The following LAMA2 variants were observed in gnomAD, a reference collection of about 807,000 sequenced individuals.
The protein encoded by LAMA2 is laminin subunit alpha 2.
LAMA2 carries 269 observed loss-of-function variants against 364.8 expected under a neutral mutation model. That is an observed-to-expected ratio of 0.74 (90% CI 0.67 to 0.82). LAMA2 has a LOEUF of 0.82. Among genes scored for constraint, LAMA2 ranks in the 40% least tolerant of loss-of-function variants. The pLI is 0.00. For missense variants in LAMA2, 3,807 were observed against 3,873.2 expected (o/e 0.98, Z 0.45); for synonymous variants, 1,379 against 1,370.6 (o/e 1.01, Z -0.14).
At chr6:129,380,286 G>A (rs1292043908) in intron 34 of LAMA2, among the ~76,000 whole-genome samples, 1 of 152,126 alleles carries the variant, frequency 6.6e-6, no homozygotes, top group Non-Finnish European at 1.5e-5. Flanking sequence ...TGTTCCAAAA[G>A]GAAGTAGGCA....
At chr6:129,328,242 A>G in intron 28 of LAMA2, 36 bp from the exon 29 acceptor site, 2 of 1,581,810 alleles carry the variant, frequency 1.3e-6, no homozygotes, top group Non-Finnish European at 8.7e-7. Flanking sequence ...CAGTATTTCT[A>G]ACTTTGCTGT....
intron 1 of LAMA2, among the ~76,000 whole-genome samples, chr6:128,925,676 T>C (rs1043836812): frequency 5.3e-5 from 8 of 152,234 alleles, no homozygotes; most frequent in African/African-American, 1.4e-4. Flanking sequence ...ATGTGTATTT[T>C]ACAATACTTT....
intron 40 of LAMA2, among the ~76,000 whole-genome samples, chr6:129,417,728 G>A (rs1780872229): frequency 6.6e-6 from 1 of 152,100 alleles, no homozygotes; most frequent in Non-Finnish European, 1.5e-5. Flanking sequence ...CTCCCCCTTG[G>A]CCTCCCTAAT....
intron 48 of LAMA2, among the ~76,000 whole-genome samples, chr6:129,457,964 C>G (rs557056163): frequency 7.9e-5 from 12 of 152,220 alleles, no homozygotes; most frequent in African/African-American, 2.9e-4. Context: ...ACTCACCTCT[C>G]AAATGCCCTG....
chr6:129,131,962 TCC>T (rs1777503500), intron 4 of LAMA2, among the ~76,000 whole-genome samples: 1 of 152,156 alleles, frequency 6.6e-6, no homozygotes, highest in Non-Finnish European at 1.5e-5. Flanking sequence ...GTTTTTCATT[TCC>T]CGCTTCTCAC....
intron 1 of LAMA2, among the ~76,000 whole-genome samples, chr6:128,904,270 T>C (rs1053162670): frequency 6.6e-6 from 1 of 152,086 alleles, no homozygotes. Flanking sequence ...TTTGAGGGTG[T>C]CCTGTTCATT....
chr6:129,297,950 A>C lies in LAMA2; in HGVS notation c.3037+85A>C, dbSNP rs1468619696. 14 of 1,131,228 alleles carry C rather than the reference A, an allele frequency of 1.2e-5. No individual in the cohort carries two copies. The Admixed American group carries it at 2.7e-4, about 22-fold the overall frequency. The allele number at this position is 1,131,228 out of a possible 1,614,324, so 70.1% of individuals were successfully genotyped here. ...TGTAACAGTTTGTTCTTTTAAAGGA[A>C]GCACAGATTGATACAACGTATTTAA... On this transcript the variant is annotated intron_variant, in intron 21 of 64. Coordinates refer to ENST00000421865, the MANE Select transcript of LAMA2 (RefSeq NM_000426.4).
chr6:129,481,562 A>G, intron 55 of LAMA2, 123 bp downstream of exon 55: 1 of 834,558 alleles, frequency 1.2e-6, no homozygotes. Context: ...CAAGGACTGA[A>G]CATTCCATAT....
chr6:129,212,488 G>A (rs1490002577), intron 12 of LAMA2, among the ~76,000 whole-genome samples: 2 of 152,040 alleles, frequency 1.3e-5, no homozygotes, highest in Non-Finnish European at 2.9e-5. Flanking sequence ...AATGGAATGT[G>A]GAAACTGAGA....
chr6:129,491,443 G>C (rs1784856414), intron 56 of LAMA2, among the ~76,000 whole-genome samples: 2 of 152,190 alleles, frequency 1.3e-5, no homozygotes, highest in African/African-American at 4.8e-5. Context: ...TATAAAAGGT[G>C]CTTTAAGTGT....
intron 1 of LAMA2, among the ~76,000 whole-genome samples, chr6:128,972,798 T>C (rs1782267981): frequency 6.6e-6 from 1 of 152,160 alleles, no homozygotes; most frequent in Admixed American, 6.5e-5. Flanking sequence ...CATTACAAAG[T>C]AAAATATATT....
At chr6:129,178,296 A>G (rs1311764037) in intron 10 of LAMA2, among the ~76,000 whole-genome samples, 1 of 152,152 alleles carries the variant, frequency 6.6e-6, no homozygotes, top group Non-Finnish European at 1.5e-5. Context: ...GCCTTAAAAT[A>G]CTCATTATAT....
At chr6:128,922,543 G>T (rs76259698) in intron 1 of LAMA2, among the ~76,000 whole-genome samples, 18,976 of 148,130 alleles carry the variant, frequency 0.13, 1,686 homozygotes, top group African/African-American at 0.25. Flanking sequence ...TCGCCCACTT[G>T]TTGATGGGGT....
intron 4 of LAMA2, among the ~76,000 whole-genome samples, chr6:129,126,013 A>G (rs982097560): frequency 2.6e-5 from 4 of 152,194 alleles, no homozygotes; most frequent in Non-Finnish European, 5.9e-5. Context: ...CCTACACCAT[A>G]AATTATATTT....
intron 4 of LAMA2, among the ~76,000 whole-genome samples, chr6:129,116,979 A>C (rs558983956): frequency 6.6e-6 from 1 of 152,312 alleles, no homozygotes; most frequent in East Asian, 1.9e-4. Context: ...ATGACAACAA[A>C]AAATTAAAAT....
chr6:129,146,185 A>G (rs1778421290), intron 5 of LAMA2, among the ~76,000 whole-genome samples: 1 of 151,930 alleles, frequency 6.6e-6, no homozygotes, highest in Admixed American at 6.6e-5. Flanking sequence ...GTATAATTGG[A>G]ATAATAGAAC....
At chr6:129,357,141 C>A (rs1346375125) in intron 32 of LAMA2, among the ~76,000 whole-genome samples, 2 of 152,000 alleles carry the variant, frequency 1.3e-5, no homozygotes, top group Non-Finnish European at 2.9e-5. Flanking sequence ...GAACAACTAA[C>A]CTGCCTTCAA....
chr6:129,048,152 A>T (rs539077863), intron 1 of LAMA2, among the ~76,000 whole-genome samples: 2 of 152,212 alleles, frequency 1.3e-5, no homozygotes, highest in Non-Finnish European at 2.9e-5. Context: ...CACATTGCAA[A>T]CATTCAACGA....
chr6:129,503,232 C>T lies in LAMA2; in HGVS notation c.8499C>T (p.Asp2833=). The T allele has an allele frequency of 1.2e-6, 2 of 1,614,004 alleles. No homozygotes were observed. Among genetic ancestry groups the T allele is most frequent in the African/African-American group, 1.3e-5 (1 of 75,030 alleles). ...PYFSYDLGSG[D]THTMIPTKIN... The stretch of plus-strand genomic sequence containing the variant: ...TCAGCTATGACTTGGGGAGTGGGGA[C>T]ACCCACACCATGATCCCCACCAAAA... The change falls in exon 60 of 65, where the codon GAC becomes GAT. Residue 2833 remains aspartate, a synonymous_variant. Transcript: ENST00000421865.
Sources: gnomAD v4.1 joint callset for allele counts (sites outside exome capture counted in the v4.1 genomes callset) on GRCh38, gnomAD v4.1.1 for gene constraint, MANE v1.5 for transcripts, NCBI Gene and HGNC (gene_info 2026-07-23, HGNC 2026-07-21) for gene names.